Variants in CELF2 observed in about 807,000 individuals in gnomAD.
CELF2 encodes the protein CUGBP Elav-like family member 2, also known as CUG triplet repeat RNA-binding protein 2.
In CELF2, 8 loss-of-function variants were observed where a neutral mutation model predicts 62.6. The observed-to-expected ratio is 0.13, with a 90% CI of 0.07 to 0.23. The LOEUF is 0.23. CELF2 is among the 10% of genes least tolerant of loss of function. CELF2 has a pLI of 1.00. For synonymous variants in CELF2, 258 were observed against 250.0 expected (o/e 1.03, Z -0.30); for missense variants, 333 against 671.0 (o/e 0.50, Z 5.56).
At chr10:10,470,887 A>G in the CELF2 span, among the ~76,000 whole-genome samples, 1 of 151,254 alleles carries the variant, frequency 6.6e-6, no homozygotes, top group African/African-American at 2.4e-5. Flanking sequence ...TATATAATTA[A>G]TTTAGTACTT....
At chr10:10,922,600 A>T (rs1056158605) in intron 2 of CELF2, 1 of 152,190 alleles carries the variant, frequency 6.6e-6, no homozygotes, top group Non-Finnish European at 1.5e-5. Flanking sequence ...CCCAGGAATG[A>T]TCTTTTGTAG....
At chr10:11,240,908 G>A (rs967743673) in intron 3 of CELF2, among the ~76,000 whole-genome samples, 1 of 152,022 alleles carries the variant, frequency 6.6e-6, no homozygotes, top group South Asian at 2.1e-4. Flanking sequence ...TGGGGTAGAG[G>A]CCTCAGGCTT....
intron 1 of CELF2, among the ~76,000 whole-genome samples, chr10:11,130,448 G>C (rs2059446298): frequency 6.6e-6 from 1 of 152,166 alleles, no homozygotes; most frequent in Non-Finnish European, 1.5e-5. Context: ...TTTCCTTACT[G>C]GGATGCCCCA....
intron 4 of CELF2, among the ~76,000 whole-genome samples, chr10:11,250,439 T>G (rs566229917): frequency 1.4e-4 from 22 of 152,330 alleles, no homozygotes; most frequent in Non-Finnish European, 2.9e-4. Context: ...GGTTAATTCG[T>G]TTTTTTCTCT....
chr10:11,044,387 C>A (rs946331750), intron 1 of CELF2, among the ~76,000 whole-genome samples: 1 of 152,150 alleles, frequency 6.6e-6, no homozygotes, highest in South Asian at 2.1e-4. Flanking sequence ...ATTTTATTCT[C>A]CCTTTTGGCA....
chr10:11,239,737 T>A (rs952688828), intron 3 of CELF2, among the ~76,000 whole-genome samples: 2 of 152,194 alleles, frequency 1.3e-5, no homozygotes, highest in African/African-American at 4.8e-5. Flanking sequence ...TAGATCACTT[T>A]TATAAAATTA....
At chr10:10,877,306 T>A (rs1349996063) in intron 1 of CELF2, among the ~76,000 whole-genome samples, 1 of 152,270 alleles carries the variant, frequency 6.6e-6, no homozygotes, top group Non-Finnish European at 1.5e-5. Context: ...CCTGATGACA[T>A]GTGCCCAAGG....
chr10:11,230,781 A>G (rs1249172573), intron 3 of CELF2, among the ~76,000 whole-genome samples: 1 of 152,228 alleles, frequency 6.6e-6, no homozygotes, highest in Non-Finnish European at 1.5e-5. Context: ...TATTTTAAGC[A>G]CAGTTTTTCT....
rs932273106 is a variant in CELF2, at chr10:10,983,905, G to T, written c.89+63906G>T. 2.0e-5 allele frequency among the ~76,000 whole-genome samples: 3 copies of T among 152,122 alleles called. No homozygotes were observed. The highest frequency in any genetic ancestry group is 7.2e-5 in the African/African-American group (3 of 41,426). On this transcript the variant is annotated intron_variant, in intron 2 of 13. Coordinates refer to the CELF2 transcript ENST00000636488. The surrounding 1 kb of genome is among the most constrained non-coding windows in gnomAD (Gnocchi z 5.2). The stretch of plus-strand genomic sequence containing the variant: ...AATGTAGGTTTTGAAGCTTGCCCTC[G>T]AGGATTTAAAAGACAGCATTGCAAT...
chr10:11,222,506 G>A (rs2065159734), intron 3 of CELF2, among the ~76,000 whole-genome samples: 1 of 152,184 alleles, frequency 6.6e-6, no homozygotes, highest in Non-Finnish European at 1.5e-5. Context: ...ACAGGTTTGA[G>A]TCCTCGAAGT....
chr10:10,766,005 T>C, the CELF2 span, among the ~76,000 whole-genome samples: 2 of 152,154 alleles, frequency 1.3e-5, no homozygotes, highest in Non-Finnish European at 2.9e-5. Flanking sequence ...AAGCTACCAA[T>C]TTACAAAAGC....
At chr10:10,725,667 A>G in the CELF2 span, among the ~76,000 whole-genome samples, 1 of 152,192 alleles carries the variant, frequency 6.6e-6, no homozygotes, top group Non-Finnish European at 1.5e-5. Context: ...AACTTGGGCC[A>G]ATAATACCAG....
chr10:10,871,455 C>A (rs1183374779), intron 1 of CELF2, among the ~76,000 whole-genome samples: 1 of 152,146 alleles, frequency 6.6e-6, no homozygotes, highest in Non-Finnish European at 1.5e-5. Flanking sequence ...ATAACACAGT[C>A]TGAAAAGCAC....
Position 10,972,365 on chromosome 10 carries a change from G to A in CELF2, c.89+52366G>A, listed in dbSNP as rs74851185. On this transcript the variant is annotated intron_variant, in intron 2 of 13. Transcript: ENST00000636488. The surrounding 1 kb of genome is among the most constrained non-coding windows in gnomAD (Gnocchi z 4.4). Reference sequence around the variant, plus strand: ...TTAGCAAGCTGTTTTGCTTTAACCTGGAAAACTCATCTTATTTAAAACTAG... The same window carrying A: ...TTAGCAAGCTGTTTTGCTTTAACCTAGAAAACTCATCTTATTTAAAACTAG... Among the ~76,000 whole-genome samples, 1,025 of 152,224 alleles carry A rather than the reference G, an allele frequency of 6.7e-3. 15 individuals are homozygous for A. The highest frequency in any genetic ancestry group is 0.023 in the African/African-American group (959 of 41,532).
intron 1 of CELF2, among the ~76,000 whole-genome samples, chr10:10,898,282 C>T (rs1026473574): frequency 6.6e-6 from 1 of 152,160 alleles, no homozygotes; most frequent in Admixed American, 6.5e-5. Flanking sequence ...TTATATGATG[C>T]TATTTGGAAC....
At chr10:11,226,643 C>G (rs571556205) in intron 3 of CELF2, among the ~76,000 whole-genome samples, 1 of 147,566 alleles carries the variant, frequency 6.8e-6, no homozygotes, top group Non-Finnish European at 1.5e-5. Flanking sequence ...CACACACACA[C>G]GAGCTGGCCC....
chr10:10,923,767 G>A (rs933956313), intron 2 of CELF2: 5 of 152,158 alleles, frequency 3.3e-5, no homozygotes, highest in African/African-American at 7.2e-5. Context: ...CTGGCTACAC[G>A]TACTATCCAT....
intron 1 of CELF2, among the ~76,000 whole-genome samples, chr10:11,155,716 T>C (rs7084963): frequency 0.016 from 2,437 of 152,340 alleles, 48 homozygotes; most frequent in African/African-American, 0.056. Flanking sequence ...ACTACCGTCA[T>C]TAATATGACA....
intron 2 of CELF2, among the ~76,000 whole-genome samples, chr10:11,181,751 A>G (rs979994396): frequency 1.3e-5 from 2 of 152,216 alleles, no homozygotes; most frequent in African/African-American, 2.4e-5. Flanking sequence ...GTTTTAGTCC[A>G]TTGGTATACA....
Sources: allele counts gnomAD v4.1 joint callset (sites outside exome capture counted in the v4.1 genomes callset), GRCh38; gene constraint gnomAD v4.1.1; non-coding constraint Gnocchi (gnomAD v3.1); transcripts MANE v1.5; gene names NCBI Gene and HGNC (gene_info 2026-07-23, HGNC 2026-07-21).